Variants in SYT17 observed in about 807,000 individuals in gnomAD.
The protein encoded by SYT17 is synaptotagmin 17, also known as synaptotagmin-17.
A neutral mutation model predicts 46.7 loss-of-function variants in SYT17; 22 were observed. The observed-to-expected ratio is 0.47, with a 90% CI of 0.34 to 0.67. The LOEUF (loss-of-function observed/expected upper bound fraction) is 0.67. Ranked by LOEUF, SYT17 falls within the 30% of genes least tolerant of loss-of-function variation. The probability of loss-of-function intolerance (pLI) is 0.01; values close to 1 mark genes in which losing one functional copy is unlikely to be tolerated. For missense variants in SYT17, 519 were observed against 612.8 expected (o/e 0.85, Z 1.62); for synonymous variants, 251 against 248.4 (o/e 1.01, Z -0.10).
chr16:19,236,272 G>A (rs1966846730), intron 7 of SYT17, among the ~76,000 whole-genome samples: 1 of 152,192 alleles, frequency 6.6e-6, no homozygotes, highest in Non-Finnish European at 1.5e-5. Context: ...AATGGGGACA[G>A]TAATACTTCT....
chr16:19,250,926 T>C (rs551816415), intron 7 of SYT17, among the ~76,000 whole-genome samples: 12 of 152,314 alleles, frequency 7.9e-5, no homozygotes, highest in Admixed American at 6.5e-4. Flanking sequence ...TCCTGCCATA[T>C]ATTCATTTTG....
At chr16:19,243,808 A>G (rs1047948472) in intron 7 of SYT17, among the ~76,000 whole-genome samples, 1 of 136,710 alleles carries the variant, frequency 7.3e-6, no homozygotes, top group African/African-American at 2.7e-5. Flanking sequence ...ACAAGAGCGA[A>G]AAAACTCCAT....
intron 5 of SYT17, among the ~76,000 whole-genome samples, chr16:19,221,801 A>C (rs1966328281): frequency 6.6e-6 from 1 of 152,214 alleles, no homozygotes; most frequent in South Asian, 2.1e-4. Flanking sequence ...CAGATAATAG[A>C]TGGTTAGATT....
In SYT17 at chr16:19,267,030, G is replaced by A. The variant is rs745715909; in HGVS notation, c.1379G>A (p.Arg460Gln). 9 of 1,612,150 alleles carry A rather than the reference G, an allele frequency of 5.6e-6. No individual in the cohort carries two copies. Among genetic ancestry groups the A allele is most frequent in the Middle Eastern group, 1.7e-4 (1 of 5,906 alleles). The change falls in exon 8 of 8, where the codon CGA becomes CAA. Residue 460 changes from arginine (R) to glutamine (Q), a missense_variant. By Grantham distance (43) the Arg-to-Gln change is conservative. Transcript: ENST00000355377. ...AVEQWHSLRS[R>Q]AECDRVSPAS... The stretch of plus-strand genomic sequence containing the variant: ...GAGCAGTGGCATAGCCTGAGGTCCC[G>A]AGCTGAGTGTGACCGCGTGTCTCCT...
intron 7 of SYT17, among the ~76,000 whole-genome samples, chr16:19,241,008 C>T (rs987050523): frequency 2.9e-4 from 39 of 132,228 alleles, no homozygotes; most frequent in Non-Finnish European, 5.3e-4. Context: ...AGTGCAGTGG[C>T]GGGATCTCGG....
At chr16:19,211,944 A>G (rs533329663) in intron 5 of SYT17, among the ~76,000 whole-genome samples, 1 of 152,182 alleles carries the variant, frequency 6.6e-6, no homozygotes, top group African/African-American at 2.4e-5. Context: ...TGTATTTTTA[A>G]AGAATAGAAA....
intron 7 of SYT17, among the ~76,000 whole-genome samples, chr16:19,256,703 C>G (rs879475451): frequency 5.3e-5 from 8 of 152,026 alleles, no homozygotes; most frequent in Non-Finnish European, 1.0e-4. Context: ...CTCAGCCTCC[C>G]AAGTAGCTGG....
intron 7 of SYT17, among the ~76,000 whole-genome samples, chr16:19,247,167 G>A (rs1220432615): frequency 6.6e-6 from 1 of 152,200 alleles, no homozygotes; most frequent in African/African-American, 2.4e-5. Context: ...GATTGAGGTG[G>A]AGAAGTATAA....
At position 19,169,840 on chromosome 16, in the gene SYT17, C is replaced by G. The variant is rs1964015063; in HGVS notation, c.15+1179C>G. 2.0e-5 allele frequency: 3 copies of G among 152,218 alleles called. No individual in the cohort carries two copies. The South Asian group carries it at 6.2e-4, about 32-fold the overall frequency. 9.4% of individuals were successfully genotyped at this position (152,218 alleles called of 1,614,324 possible). The stretch of plus-strand genomic sequence containing the variant: ...GGCGACCGCCTACTAAGTGCTGGCA[C>G]TGGGGATACAGTGATGAAAACAGCA... On this transcript the variant is annotated intron_variant, in intron 1 of 7. Transcript: ENST00000355377.
chr16:19,245,806 G>A (rs2142988638), intron 7 of SYT17, among the ~76,000 whole-genome samples: 1 of 152,284 alleles, frequency 6.6e-6, no homozygotes, highest in African/African-American at 2.4e-5. Context: ...GAGCCCTCTT[G>A]GGAAGATGAG....
chr16:19,224,699 C>T lies in SYT17; in HGVS notation c.1089C>T (p.Ile363=). The T allele has an allele frequency of 6.2e-7, 1 of 1,614,026 alleles. No individual in the cohort carries two copies. The highest frequency in any genetic ancestry group is 8.5e-7 in the Non-Finnish European group (1 of 1,179,926). The part of the protein sequence containing the change: ...VSQGSDPFVK[I]QLVHGLKLVK... ...AATTTTCAGACCCCTTTGTGAAAAT[C>T]CAGCTGGTGCATGGACTCAAACTTG... Residue 363 remains isoleucine, a synonymous_variant, in exon 7 of 8, where the codon ATC becomes ATT. Coordinates refer to ENST00000355377, the MANE Select transcript of SYT17 (RefSeq NM_016524.4).
chr16:19,204,861 G>A (rs1965604608), intron 5 of SYT17, among the ~76,000 whole-genome samples: 1 of 151,996 alleles, frequency 6.6e-6, no homozygotes, highest in Admixed American at 6.6e-5. Flanking sequence ...TCCTACCCTG[G>A]ACTGTTGATT....
chr16:19,208,477 G>A (rs1056115282), intron 5 of SYT17, among the ~76,000 whole-genome samples: 4 of 152,158 alleles, frequency 2.6e-5, no homozygotes, highest in African/African-American at 9.7e-5. Flanking sequence ...GAGGGGGGAA[G>A]TGCCACACAT....
chr16:19,184,744 G>C lies in SYT17; in HGVS notation c.951+597G>C, dbSNP rs115273490. Among the ~76,000 whole-genome samples, 191 of 152,038 alleles carry C rather than the reference G, an allele frequency of 1.3e-3. 1 individual carries two copies. Among genetic ancestry groups the C allele is most frequent in the African/African-American group, 4.3e-3 (177 of 41,456 alleles). On this transcript the variant is annotated intron_variant, in intron 5 of 7. Coordinates refer to ENST00000355377, the MANE Select transcript of SYT17 (RefSeq NM_016524.4). ...CTCTGGAAGCCTTTTTTAAATCATC[G>C]ATGCTGAGTTATTTAATAAGGAGAA...
At chr16:19,174,548 C>T (rs1220549200) in intron 3 of SYT17, among the ~76,000 whole-genome samples, 1 of 152,206 alleles carries the variant, frequency 6.6e-6, no homozygotes, top group Non-Finnish European at 1.5e-5. Context: ...GCTGGGGGCT[C>T]ATGCCTCAGG....
At chr16:19,228,411 T>C (rs1447614894) in intron 7 of SYT17, among the ~76,000 whole-genome samples, 3 of 152,138 alleles carry the variant, frequency 2.0e-5, no homozygotes, top group Admixed American at 6.6e-5. Context: ...AAAATATTCT[T>C]TCTGGAGAAG....
chr16:19,241,307 C>T (rs1301573661), intron 7 of SYT17, among the ~76,000 whole-genome samples: 1 of 151,920 alleles, frequency 6.6e-6, no homozygotes, highest in Non-Finnish European at 1.5e-5. Context: ...CAGGGAGGAG[C>T]CAGGCAGCAA....
At chr16:19,244,196 G>A (rs1335497528) in intron 7 of SYT17, among the ~76,000 whole-genome samples, 3 of 152,188 alleles carry the variant, frequency 2.0e-5, no homozygotes, top group Non-Finnish European at 2.9e-5. Flanking sequence ...TACAGGGAAA[G>A]AAACTGAAGC....
Position 19,183,508 on chromosome 16 carries a change from T to C in SYT17, c.332-20T>C. The C allele has an allele frequency of 6.2e-7, 1 of 1,612,014 alleles. No homozygotes were observed. Among genetic ancestry groups the C allele is most frequent in the Non-Finnish European group, 8.5e-7 (1 of 1,178,370 alleles). ...GCCCCGTATGTGGCTGTCTTCATTG[T>C]TATTTCTGGTGGCTCTCAGGTCTTG... is the stretch of plus-strand genomic sequence containing the variant. On this transcript the variant is annotated intron_variant, in intron 4 of 7. Transcript: ENST00000355377. This position sits in a 1 kb window ranked among gnomAD's most constrained non-coding sequence, Gnocchi z 5.6.
Sources: allele counts gnomAD v4.1 joint callset (sites outside exome capture counted in the v4.1 genomes callset), GRCh38; gene constraint gnomAD v4.1.1; non-coding constraint Gnocchi (gnomAD v3.1); transcripts MANE v1.5; gene names NCBI Gene and HGNC (gene_info 2026-07-23, HGNC 2026-07-21).